The following PARD3B variants were observed in gnomAD, a reference collection of about 807,000 sequenced individuals.
The protein encoded by PARD3B is par-3 family cell polarity regulator beta.
Under a neutral mutation model 130.2 loss-of-function variants are expected in PARD3B, and 103 were observed. The observed-to-expected ratio is 0.79, with a 90% CI of 0.67 to 0.93. The LOEUF (loss-of-function observed/expected upper bound fraction) is 0.93, where lower values mean the gene tolerates loss of function less well. Among genes scored for constraint, PARD3B ranks in the 40% least tolerant of loss-of-function variants. PARD3B has a pLI of 0.00. For synonymous variants in PARD3B, 583 were observed against 553.2 expected (o/e 1.05, Z -0.76); for missense variants, 1,609 against 1,499.2 (o/e 1.07, Z -1.21).
intron 8 of PARD3B, 61 bp from the exon 9 acceptor site, chr2:205,124,266 A>G (rs184357269): frequency 3.8e-4 from 491 of 1,291,242 alleles, no homozygotes; most frequent in Non-Finnish European, 4.8e-4. Flanking sequence ...TTACTGTAAG[A>G]CTGAATATAA....
intron 21 of PARD3B, among the ~76,000 whole-genome samples, chr2:205,522,239 C>CTT (rs1018182479): frequency 2.0e-5 from 3 of 151,400 alleles, no homozygotes; most frequent in Non-Finnish European, 4.4e-5. Context: ...TGCTTTTGAA[C>CTT]TTAGTTTAGG....
intron 4 of PARD3B, among the ~76,000 whole-genome samples, chr2:205,052,419 G>GTATGTATATATA (rs1699260692): frequency 2.5e-5 from 1 of 39,764 alleles, no homozygotes; most frequent in Non-Finnish European, 4.7e-5. Flanking sequence ...ATATATATAT[G>GTATGTATATATA]TATATATATA....
rs771615597 is a variant in PARD3B, at chr2:204,890,922, A to C, written c.223-74230A>C. On this transcript the variant is annotated intron_variant, in intron 2 of 22. Transcript: ENST00000406610. This position sits in a 1 kb window ranked among gnomAD's most constrained non-coding sequence, Gnocchi z 4.9. ...GATCCTTTTCAACAGGCAAGAGATAATATCTCTTGCCATCATCCACTGCCT... is the reference window on the plus strand; with the variant it reads ...GATCCTTTTCAACAGGCAAGAGATACTATCTCTTGCCATCATCCACTGCCT... 2.6e-5 allele frequency among the ~76,000 whole-genome samples: 4 copies of C among 152,120 alleles called. No homozygotes were observed. Among genetic ancestry groups the C allele is most frequent in the Non-Finnish European group, 4.4e-5 (3 of 68,016 alleles).
At chr2:204,945,753 T>C (rs187719142) in intron 2 of PARD3B, among the ~76,000 whole-genome samples, 21 of 152,342 alleles carry the variant, frequency 1.4e-4, no homozygotes, top group Non-Finnish European at 2.5e-4. Context: ...AGTACAAATA[T>C]TGGGAAAAAT....
intron 15 of PARD3B, among the ~76,000 whole-genome samples, chr2:205,212,012 AT>A (rs2037666066): frequency 6.6e-6 from 1 of 152,052 alleles, no homozygotes. Context: ...TTCCATTAGA[AT>A]TTTTTTATTT....
At chr2:204,991,295 C>A (rs1693659562) in intron 3 of PARD3B, among the ~76,000 whole-genome samples, 1 of 143,768 alleles carries the variant, frequency 7.0e-6, no homozygotes, top group Non-Finnish European at 1.5e-5. Flanking sequence ...TCTCATTGTT[C>A]AATTCCCACC....
At chr2:205,104,329 G>T (rs865846237) in intron 4 of PARD3B, 97 bp from the exon 5 acceptor site, 1 of 828,688 alleles carries the variant, frequency 1.2e-6, no homozygotes, top group Non-Finnish European at 2.0e-6. Context: ...TATATATCCA[G>T]CGTAAAGCGG....
At chr2:205,362,083 C>T (rs147736579) in intron 18 of PARD3B, among the ~76,000 whole-genome samples, 339 of 152,136 alleles carry the variant, frequency 2.2e-3, no homozygotes, top group African/African-American at 7.9e-3. Context: ...AACCTATAGC[C>T]CTGGGCTTGT....
At chr2:205,338,480 G>A (rs1229243470) in intron 18 of PARD3B, among the ~76,000 whole-genome samples, 1 of 152,136 alleles carries the variant, frequency 6.6e-6, no homozygotes, top group Non-Finnish European at 1.5e-5. Flanking sequence ...GGCAATAGCA[G>A]TAATACATAA....
intron 18 of PARD3B, among the ~76,000 whole-genome samples, chr2:205,357,456 C>T (rs920090058): frequency 2.6e-5 from 4 of 152,060 alleles, no homozygotes; most frequent in Admixed American, 6.6e-5. Context: ...GAGAAACAGT[C>T]GACATGGGTG....
intron 4 of PARD3B, among the ~76,000 whole-genome samples, chr2:205,087,792 T>C (rs949600256): frequency 1.3e-4 from 20 of 151,812 alleles, no homozygotes; most frequent in Admixed American, 1.2e-3. Flanking sequence ...TCACCAATAA[T>C]ATTCTTTCAA....
At chr2:205,134,650 T>A (rs2032316590) in intron 10 of PARD3B, among the ~76,000 whole-genome samples, 1 of 152,188 alleles carries the variant, frequency 6.6e-6, no homozygotes, top group East Asian at 1.9e-4. Context: ...TTTTTGAATG[T>A]GCTCAATAGC....
intron 2 of PARD3B, among the ~76,000 whole-genome samples, chr2:204,736,218 A>G (rs1366618133): frequency 6.6e-6 from 1 of 152,038 alleles, no homozygotes; most frequent in Admixed American, 6.6e-5. Context: ...ATTTAGATTA[A>G]TTCAGAAAGA....
intron 19 of PARD3B, among the ~76,000 whole-genome samples, chr2:205,416,414 G>T (rs1035072869): frequency 6.6e-6 from 1 of 152,046 alleles, no homozygotes; most frequent in Non-Finnish European, 1.5e-5. Flanking sequence ...GTGTATAAAA[G>T]GATACCAGTG....
chr2:205,322,889 C>CTT lies in PARD3B; in HGVS notation c.2630+21229_2630+21230dup, dbSNP rs71032461. ...TGTTGTTATATCATTATTAACACCTCTTTTTTTTTTTTTTTTTTTTTTTTT... is the reference window on the plus strand; with the variant it reads ...TGTTGTTATATCATTATTAACACCTCTTTTTTTTTTTTTTTTTTTTTTTTTTT... On this transcript the variant is annotated intron_variant, in intron 18 of 22. Transcript: ENST00000406610. Among the ~76,000 whole-genome samples the CTT allele has an allele frequency of 1.5e-3, 76 of 51,464 alleles. 20 individuals are homozygous for CTT. Among genetic ancestry groups the CTT allele is most frequent in the South Asian group, 3.6e-3 (5 of 1,388 alleles). 33.8% of individuals were successfully genotyped at this position (51,464 alleles called of 152,430 possible).
intron 2 of PARD3B, among the ~76,000 whole-genome samples, chr2:204,794,412 G>A (rs1244860001): frequency 6.6e-6 from 1 of 152,196 alleles, no homozygotes; most frequent in African/African-American, 2.4e-5. Context: ...GACTGTGTCT[G>A]CATGAGTGGG....
At chr2:205,372,913 A>G (rs2044880914) in intron 18 of PARD3B, among the ~76,000 whole-genome samples, 1 of 152,228 alleles carries the variant, frequency 6.6e-6, no homozygotes, top group Non-Finnish European at 1.5e-5. Flanking sequence ...TAGGAGGTCA[A>G]GGTTGCAGTG....
At chr2:205,459,576 G>C (rs543615373) in intron 20 of PARD3B, among the ~76,000 whole-genome samples, 1 of 152,148 alleles carries the variant, frequency 6.6e-6, no homozygotes, top group African/African-American at 2.4e-5. Context: ...CACTGAAAAG[G>C]TTAGTGATTA....
Position 204,683,592 on chromosome 2 carries a change from A to G in PARD3B, c.121-2589A>G, listed in dbSNP as rs558575469. 4.6e-5 allele frequency among the ~76,000 whole-genome samples: 7 copies of G among 152,302 alleles called. No individual in the cohort carries two copies. The East Asian group carries it at 1.2e-3, about 25-fold the overall frequency. ...AAAATACCATGGGGACAAAAATCAC[A>G]GTTGGTATGTACTGTGGTTTATTGA... On this transcript the variant is annotated intron_variant, in intron 1 of 22. Coordinates refer to ENST00000406610, the MANE Select transcript of PARD3B (RefSeq NM_001302769.2).
Sources: gnomAD v4.1 joint callset for allele counts (sites outside exome capture counted in the v4.1 genomes callset) on GRCh38, gnomAD v4.1.1 for gene constraint, Gnocchi (gnomAD v3.1) non-coding constraint, MANE v1.5 for transcripts, NCBI Gene and HGNC (gene_info 2026-07-23, HGNC 2026-07-21) for gene names.